TXNDC8: variants seen among roughly 807,000 people sequenced by gnomAD.
The protein encoded by TXNDC8 is thioredoxin domain-containing protein 8.
In TXNDC8, 15 loss-of-function variants were observed where a neutral mutation model predicts 12.9. That is an observed-to-expected ratio of 1.16 (90% CI 0.78 to 1.79). The LOEUF (loss-of-function observed/expected upper bound fraction) is 1.79. Ranked by LOEUF, TXNDC8 falls within the 40% of genes most tolerant of loss-of-function variation. The pLI is 0.00. For missense variants in TXNDC8, 128 were observed against 113.2 expected (o/e 1.13, Z -0.59); for synonymous variants, 40 against 35.4 (o/e 1.13, Z -0.46).
intron 3 of TXNDC8, among the ~76,000 whole-genome samples, chr9:110,305,813 T>G (rs1838445613): frequency 7.6e-6 from 1 of 132,230 alleles, no homozygotes; most frequent in Non-Finnish European, 1.5e-5. Flanking sequence ...TTTTCTTTCC[T>G]TTCCTTTCCT....
chr9:110,322,711 A>G, intron 3 of TXNDC8: 1 of 985,482 alleles, frequency 1.0e-6, no homozygotes, highest in Non-Finnish European at 1.2e-6. Flanking sequence ...AGAAAATTAT[A>G]CTGAACTGGA....
intron 3 of TXNDC8, 52 bp from the exon 5 acceptor site, chr9:110,304,584 C>A: frequency 6.5e-7 from 1 of 1,536,554 alleles, no homozygotes; most frequent in Non-Finnish European, 8.9e-7. Flanking sequence ...TGGTTTGTAA[C>A]CATCTCCCCT....
chr9:110,313,333 A>G (rs1486127249), intron 3 of TXNDC8, among the ~76,000 whole-genome samples: 1 of 152,202 alleles, frequency 6.6e-6, no homozygotes, highest in East Asian at 1.9e-4. Context: ...GACAATTTAA[A>G]CTTCCGAAGA....
In TXNDC8 at chr9:110,307,470, A is replaced by G. The variant is rs532628056; in HGVS notation, c.196-2938T>C. Reference sequence around the variant, plus strand: ...AGGTGGAGTTCATGGATAAGGAGCAATTTACTGATAAGAGCTTATTGCACA... The same window carrying G: ...AGGTGGAGTTCATGGATAAGGAGCAGTTTACTGATAAGAGCTTATTGCACA... On this transcript the variant is annotated intron_variant, in intron 3 of 4. Transcript: ENST00000423740. Among the ~76,000 whole-genome samples, 259 of 152,306 alleles carry G rather than the reference A, an allele frequency of 1.7e-3. 1 individual carries two copies. The highest frequency in any genetic ancestry group is 5.8e-3 in the African/African-American group (240 of 41,566).
At chr9:110,305,837 CTTTCT>C (rs1564093245) in intron 3 of TXNDC8, among the ~76,000 whole-genome samples, 1 of 74,116 alleles carries the variant, frequency 1.3e-5, no homozygotes, top group African/African-American at 4.7e-5. Context: ...CTTTCTTTTC[CTTTCT>C]TTTCTTTTCT....
At chr9:110,330,819 T>A (rs1485409151) in intron 2 of TXNDC8, among the ~76,000 whole-genome samples, 8 of 152,264 alleles carry the variant, frequency 5.3e-5, no homozygotes, top group Non-Finnish European at 8.8e-5. Context: ...TTCTATCTTG[T>A]CTTTTACAGG....
chr9:110,328,378 C>T (rs1018624545), intron 2 of TXNDC8, among the ~76,000 whole-genome samples: 1 of 152,038 alleles, frequency 6.6e-6, no homozygotes, highest in Admixed American at 6.6e-5. Flanking sequence ...GGAAGGATGG[C>T]TCCAGAGACA....
Position 110,324,565 on chromosome 9 carries a change from G to A in TXNDC8, c.195+1610C>T, listed in dbSNP as rs1037859684. ...TTGCATCCTATTTCATGGAGTAGAT[G>A]TATCAGAATTTACTTAGCCTTTTTA... On this transcript the variant is annotated intron_variant, in intron 3 of 4. Transcript: ENST00000423740. 2.0e-5 allele frequency among the ~76,000 whole-genome samples: 3 copies of A among 151,988 alleles called. No individual in the cohort carries two copies. In the East Asian group the frequency reaches 5.8e-4, roughly 29 times the overall value.
chr9:110,310,567 T>C (rs1838628876), intron 3 of TXNDC8, among the ~76,000 whole-genome samples: 1 of 152,202 alleles, frequency 6.6e-6, no homozygotes, highest in South Asian at 2.1e-4. Flanking sequence ...TGAAAATATA[T>C]AAAAGAGCTC....
At chr9:110,319,362 TC>T (rs1839008561) in intron 3 of TXNDC8, among the ~76,000 whole-genome samples, 1 of 152,216 alleles carries the variant, frequency 6.6e-6, no homozygotes, top group South Asian at 2.1e-4. Context: ...TTATACATTT[TC>T]AGAGAGATGG....
intron 3 of TXNDC8, among the ~76,000 whole-genome samples, chr9:110,314,589 C>A (rs1047084371): frequency 4.0e-5 from 6 of 151,764 alleles, no homozygotes; most frequent in African/African-American, 1.5e-4. Context: ...CCCGCCACCC[C>A]GTCCGGCTAA....
chr9:110,319,171 G>A (rs944907918), intron 3 of TXNDC8, among the ~76,000 whole-genome samples: 6 of 152,136 alleles, frequency 3.9e-5, no homozygotes, highest in Admixed American at 2.0e-4. Context: ...AGTCCTGCAC[G>A]TAAGAGGTTT....
rs780624346 is a variant in TXNDC8, at chr9:110,303,565, C to A, written c.*117G>T. 8 of 1,536,848 alleles carry A rather than the reference C, an allele frequency of 5.2e-6. No homozygotes were observed. In the South Asian group the frequency reaches 9.5e-5, roughly 18 times the overall value. On this transcript the variant is annotated 3_prime_UTR_variant, in exon 5 of 5. Coordinates refer to ENST00000423740, the MANE Select transcript of TXNDC8 (RefSeq NM_001286946.2). ...TTGGCTTCCAATTTTTTAGCATCGGCTCCACAAAACTCAAAAATCTGTTCA... is the reference window on the plus strand; with the variant it reads ...TTGGCTTCCAATTTTTTAGCATCGGATCCACAAAACTCAAAAATCTGTTCA...
At chr9:110,304,747 C>T (rs1055381104) in intron 3 of TXNDC8, among the ~76,000 whole-genome samples, 4 of 152,056 alleles carry the variant, frequency 2.6e-5, no homozygotes, top group Admixed American at 6.6e-5. Flanking sequence ...GGTCAGAACT[C>T]GTGCAAAGAT....
At chr9:110,322,953 T>G (rs773318006) in intron 3 of TXNDC8, 26 of 985,380 alleles carry the variant, frequency 2.6e-5, no homozygotes, top group Non-Finnish European at 3.1e-5. Flanking sequence ...GAAAAATACA[T>G]GAAGATCTGA....
chr9:110,311,399 C>T, intron 3 of TXNDC8, among the ~76,000 whole-genome samples: 1 of 149,340 alleles, frequency 6.7e-6, no homozygotes, highest in Admixed American at 6.7e-5. Context: ...AGAAGTGTGT[C>T]CTTTTTAAAA....
intron 3 of TXNDC8, among the ~76,000 whole-genome samples, chr9:110,310,810 A>G (rs1475667170): frequency 1.3e-5 from 2 of 152,244 alleles, no homozygotes; most frequent in Non-Finnish European, 2.9e-5. Flanking sequence ...CCTGCTAAAC[A>G]CTATAAGGTG....
At chr9:110,303,808 A>G (rs371425861) in intron 4 of TXNDC8, 7 of 888,176 alleles carry the variant, frequency 7.9e-6, no homozygotes, top group South Asian at 7.0e-5. Context: ...CCAGATCTCT[A>G]TAATTCTCCA....
rs958025925 is a variant in TXNDC8, at chr9:110,327,339, T to G, written c.130-1099A>C. Among the ~76,000 whole-genome samples, 55 of 147,058 alleles carry G rather than the reference T, an allele frequency of 3.7e-4. 1 individual carries two copies. The highest frequency in any genetic ancestry group is 1.8e-3 in the Admixed American group (27 of 14,810). On this transcript the variant is annotated intron_variant, in intron 2 of 4. Transcript: ENST00000423740. ...TTTATACTATATATTTTTTTTTTTT[T>G]GAGATGGAATTTCGCTCTTGTCGCC...
Sources: allele counts gnomAD v4.1 joint callset (sites outside exome capture counted in the v4.1 genomes callset), GRCh38; gene constraint gnomAD v4.1.1; transcripts MANE v1.5; gene names NCBI Gene and HGNC (gene_info 2026-07-23, HGNC 2026-07-21).